The following COL4A2 variants were observed in gnomAD, a reference collection of about 807,000 sequenced individuals.
The protein encoded by COL4A2 is collagen alpha-2(IV) chain.
COL4A2 carries 99 observed loss-of-function variants against 200.2 expected under a neutral mutation model. That is an observed-to-expected ratio of 0.49 (90% CI 0.42 to 0.58). COL4A2 has a LOEUF of 0.58. COL4A2 is among the 20% of genes least tolerant of loss of function. COL4A2 has a pLI of 0.00. For missense variants in COL4A2, 1,950 were observed against 2,314.1 expected (o/e 0.84, Z 3.23); for synonymous variants, 897 against 900.6 (o/e 1.00, Z 0.07).
rs1238753524 is a variant in COL4A2 at position 110,472,217 on chromosome 13, G to A, written c.2204-712G>A. ...TGCAAGCTCCGCCTCCCGGGTTCAC[G>A]CCATTCTCCCGCCTCAGCCTCCTGA... On this transcript the variant is annotated intron_variant, in intron 28 of 47. Coordinates refer to ENST00000360467, the MANE Select transcript of COL4A2 (RefSeq NM_001846.4). Among the ~76,000 whole-genome samples the A allele has an allele frequency of 3.3e-5, 5 of 150,722 alleles. No homozygotes were observed. The East Asian group carries it at 5.9e-4, about 18-fold the overall frequency.
In COL4A2 at chr13:110,357,536, C is replaced by T. The variant is rs1011806709; in HGVS notation, c.164C>T (p.Pro55Leu). ...TGCAGTGGGGGCTGCCAGTGCTACC[C>T]TGAGAAAGGTGGACGTGTAAGTCAC... Reference protein sequence around the residue: ...RDCSGGCQCYPEKGGRGQPGP... With the variant: ...RDCSGGCQCYLEKGGRGQPGP... Residue 55 changes from proline (P) to leucine (L), a missense_variant, in exon 4 of 48, where the codon CCT (proline) becomes CTT (leucine). By Grantham distance (98) the Pro-to-Leu change is moderately conservative. Coordinates refer to ENST00000360467, the MANE Select transcript of COL4A2 (RefSeq NM_001846.4). 1.2e-5 allele frequency: 19 copies of T among 1,586,086 alleles called. No homozygotes were observed. Among genetic ancestry groups the T allele is most frequent in the African/African-American group, 5.4e-5 (4 of 74,152 alleles).
At chr13:110,504,450 G>A (rs920070106) in intron 45 of COL4A2, among the ~76,000 whole-genome samples, 186 bp downstream of exon 45, 1 of 152,298 alleles carries the variant, frequency 6.6e-6, no homozygotes, top group Admixed American at 6.5e-5. Context: ...ACCTGGCCCC[G>A]AGTCCTGGGA....
chr13:110,382,379 G>A (rs1878524460), intron 4 of COL4A2, among the ~76,000 whole-genome samples: 1 of 152,186 alleles, frequency 6.6e-6, no homozygotes, highest in East Asian at 1.9e-4. Context: ...ATAGAACAAT[G>A]TGCACCCGTC....
chr13:110,330,962 G>A (rs1200320512), intron 3 of COL4A2, among the ~76,000 whole-genome samples: 2 of 152,030 alleles, frequency 1.3e-5, no homozygotes, highest in East Asian at 1.9e-4. Flanking sequence ...CCATCTACCC[G>A]ATCTCGCCGT....
intron 3 of COL4A2, among the ~76,000 whole-genome samples, chr13:110,322,204 G>A (rs1885293927): frequency 6.6e-6 from 1 of 152,226 alleles, no homozygotes; most frequent in South Asian, 2.1e-4. Flanking sequence ...AGGGGGCAAG[G>A]AAGCCTGGGG....
Position 110,512,778 on chromosome 13 carries a change from C to T in COL4A2, c.*587C>T, listed in dbSNP as rs1884136497. On this transcript the variant is annotated 3_prime_UTR_variant, in exon 48 of 48. Coordinates refer to ENST00000360467, the MANE Select transcript of COL4A2 (RefSeq NM_001846.4). Reference sequence around the variant, plus strand: ...CACTGATAATCACACTGCGGTAGGTCATTCTTTTGCCACATCCCTATAGAC... The same window carrying T: ...CACTGATAATCACACTGCGGTAGGTTATTCTTTTGCCACATCCCTATAGAC... 1 of 154,330 alleles carries T rather than the reference C, an allele frequency of 6.5e-6. No individual in the cohort carries two copies. The highest frequency in any genetic ancestry group is 1.4e-5 in the Non-Finnish European group (1 of 69,602). 9.6% of individuals were successfully genotyped at this position (154,330 alleles called of 1,614,324 possible).
At chr13:110,452,421 C>T (rs1430184275) in intron 20 of COL4A2, among the ~76,000 whole-genome samples, 1 of 152,236 alleles carries the variant, frequency 6.6e-6, no homozygotes, top group Non-Finnish European at 1.5e-5. Flanking sequence ...CTCGGTCTCC[C>T]AAAGTGCTGG....
At chr13:110,329,037 C>T (rs186692007) in intron 3 of COL4A2, among the ~76,000 whole-genome samples, 149 of 152,032 alleles carry the variant, frequency 9.8e-4, no homozygotes, top group African/African-American at 3.4e-3. Flanking sequence ...TGTATTCTGG[C>T]GAAAAATAAA....
chr13:110,311,283 C>T (rs1351654424), intron 3 of COL4A2, among the ~76,000 whole-genome samples: 1 of 152,204 alleles, frequency 6.6e-6, no homozygotes, highest in Admixed American at 6.5e-5. Flanking sequence ...TCTGTGTGGG[C>T]ACCTCAGGAC....
intron 4 of COL4A2, among the ~76,000 whole-genome samples, chr13:110,375,213 C>A (rs975404765): frequency 1.3e-5 from 2 of 152,210 alleles, no homozygotes; most frequent in Admixed American, 6.5e-5. Flanking sequence ...TCTGTCCCAG[C>A]CCCTGGGTGA....
Position 110,365,992 on chromosome 13 carries a change from G to A in COL4A2, c.180+8440G>A, listed in dbSNP as rs1308212474. Among the ~76,000 whole-genome samples, 6 of 152,128 alleles carry A rather than the reference G, an allele frequency of 3.9e-5. No homozygotes were observed. In the East Asian group the frequency reaches 7.7e-4, roughly 20 times the overall value. ...ACTCCACAGAACTGTTGATAAACTA[G>A]AGCAAAAGGAATTCACAGTTCCATT... is the stretch of plus-strand genomic sequence containing the variant. On this transcript the variant is annotated intron_variant, in intron 4 of 47. Transcript: ENST00000360467.
chr13:110,474,112 G>A (rs1193701310), intron 29 of COL4A2, among the ~76,000 whole-genome samples: 1 of 149,812 alleles, frequency 6.7e-6, no homozygotes, highest in Non-Finnish European at 1.5e-5. Context: ...GCGTGACAGA[G>A]TGAGACTCTG....
chr13:110,467,154 CTG>C, intron 27 of COL4A2, 58 bp downstream of exon 27: 4 of 1,602,628 alleles, frequency 2.5e-6, no homozygotes, highest in Non-Finnish European at 2.6e-6. Flanking sequence ...CTTCACACTG[CTG>C]TGTCTCCCCC....
chr13:110,480,115 T>G (rs1317597154), intron 30 of COL4A2, 105 bp from the exon 31 acceptor site: 9 of 1,261,140 alleles, frequency 7.1e-6, no homozygotes, highest in Non-Finnish European at 9.8e-6. Flanking sequence ...CCACTTTCCT[T>G]CTAAGGAGCT....
intron 45 of COL4A2, among the ~76,000 whole-genome samples, chr13:110,505,242 C>G (rs567625065): frequency 7.9e-5 from 12 of 151,858 alleles, no homozygotes; most frequent in African/African-American, 2.9e-4. Context: ...CCCAGCTACT[C>G]GGGAGGCTGA....
At position 110,430,174 on chromosome 13, in the gene COL4A2, C is replaced by T. The variant is rs1479307068; in HGVS notation, c.549+218C>T. On this transcript the variant is annotated intron_variant, in intron 8 of 47. Transcript: ENST00000360467. Reference sequence around the variant, plus strand: ...TCTCTTTCCCATATTCACAATACTCCAAGCCAAATTAGTACTTGTAGTTAA... The same window carrying T: ...TCTCTTTCCCATATTCACAATACTCTAAGCCAAATTAGTACTTGTAGTTAA... 7 of 677,104 alleles carry T rather than the reference C, an allele frequency of 1.0e-5. No homozygotes were observed. In the Admixed American group the frequency reaches 2.3e-4, roughly 22 times the overall value. The allele number at this position is 677,104 out of a possible 1,614,324, so 41.9% of individuals were successfully genotyped here.
intron 4 of COL4A2, among the ~76,000 whole-genome samples, chr13:110,384,291 CTCT>C (rs1490837226): frequency 6.6e-6 from 1 of 152,204 alleles, no homozygotes; most frequent in East Asian, 1.9e-4. Flanking sequence ...GATGGTTCAT[CTCT>C]TCTTAATTAC....
At chr13:110,337,422 C>T (rs979573272) in intron 3 of COL4A2, among the ~76,000 whole-genome samples, 8 of 152,238 alleles carry the variant, frequency 5.3e-5, no homozygotes, top group South Asian at 2.1e-4. Context: ...GCAAGCGTTC[C>T]AGCGGCATCT....
At chr13:110,490,661 A>G (rs1228239640) in intron 36 of COL4A2, among the ~76,000 whole-genome samples, 1 of 152,144 alleles carries the variant, frequency 6.6e-6, no homozygotes. Context: ...CTGCTGAGCC[A>G]TCCGGCGCTG....
Sources: allele counts gnomAD v4.1 joint callset (sites outside exome capture counted in the v4.1 genomes callset), GRCh38; gene constraint gnomAD v4.1.1; transcripts MANE v1.5; gene names NCBI Gene and HGNC (gene_info 2026-07-23, HGNC 2026-07-21).